The following ERMAP variants were observed in gnomAD, a reference collection of about 807,000 sequenced individuals.
ERMAP encodes the protein erythroid membrane-associated protein.
A neutral mutation model predicts 49.5 loss-of-function variants in ERMAP; 34 were observed. The ratio of observed to expected loss-of-function variants is 0.69; its 90% CI spans 0.52 to 0.91. ERMAP has a LOEUF of 0.91. Among genes scored for constraint, ERMAP ranks in the 40% least tolerant of loss-of-function variants. The pLI, the probability that ERMAP is intolerant of heterozygous loss-of-function variation, is 0.00. For synonymous variants in ERMAP, 214 were observed against 232.2 expected (o/e 0.92, Z 0.71); for missense variants, 541 against 582.6 (o/e 0.93, Z 0.74).
Position 42,843,150 on chromosome 1 carries a change from C to T in ERMAP, c.1346C>T (p.Ala449Val). Residue 449 changes from alanine (A) to valine (V), a missense_variant, in exon 12 of 12, where the codon GCC becomes GTC. Physicochemically the swap from Ala to Val is moderately conservative, Grantham distance 64. Transcript: ENST00000372517. ...AACTCTTCTTTACTACCCCCGAAGG[C>T]CCCAGAGCTGAAGGATATAATCCTG... ...KVNSSLLPPK[A>V]PELKDIILSL... is the part of the protein sequence containing the mutation. 2 of 1,614,136 alleles carry T rather than the reference C, an allele frequency of 1.2e-6. No homozygotes were observed. The highest frequency in any genetic ancestry group is 1.7e-6 in the Non-Finnish European group (2 of 1,180,018).
chr1:42,840,105 C>G, intron 9 of ERMAP, 47 bp from the exon 10 acceptor site: 1 of 1,614,152 alleles, frequency 6.2e-7, no homozygotes, highest in Non-Finnish European at 8.5e-7. Flanking sequence ...TCCTGTTGCC[C>G]TAATATTTGC....
rs145913478 is a variant in ERMAP at position 42,830,631 on chromosome 1, C to G, written c.85+98C>G. The stretch of plus-strand genomic sequence containing the variant: ...TGGAAACATTATGTCTTTTGGGGTT[C>G]TGTTCCCCCGGCCCTGGCAATCCTT... On this transcript the variant is annotated intron_variant, in intron 3 of 11. Transcript: ENST00000372517. 770 of 1,486,070 alleles carry G rather than the reference C, an allele frequency of 5.2e-4. 18 individuals are homozygous for G. In the East Asian group the frequency reaches 0.017, roughly 33 times the overall value. The allele number at this position is 1,486,070 out of a possible 1,614,324, so 92.1% of individuals were successfully genotyped here.
chr1:42,836,712 G>A lies in ERMAP; in HGVS notation c.584-446G>A, dbSNP rs866373243. Among the ~76,000 whole-genome samples the A allele has an allele frequency of 8.0e-4, 122 of 151,984 alleles. No homozygotes were observed. The Middle Eastern group carries it at 0.01, about 13-fold the overall frequency. On this transcript the variant is annotated intron_variant, in intron 6 of 11. Transcript: ENST00000372517. ...CTCTACTAAAAATACAAAAATTAGT[G>A]GAGCATGGTGGTGCGTGCCTGTAAT...
Position 42,830,588 on chromosome 1 carries a change from A to C in ERMAP, c.85+55A>C. The C allele has an allele frequency of 2.5e-6, 4 of 1,573,750 alleles. No individual in the cohort carries two copies. In the South Asian group the frequency reaches 3.3e-5, roughly 13 times the overall value. On this transcript the variant is annotated intron_variant, in intron 3 of 11. Coordinates refer to ENST00000372517, the MANE Select transcript of ERMAP (RefSeq NM_001017922.2). ...TGGTACATGTGATATTGGCGTCCCC[A>C]GAATAAGGAAGCTTGGCTGGAAACA...
Position 42,835,080 on chromosome 1 carries a change from C to A in ERMAP, c.476C>A (p.Ala159Asp). The change falls in exon 5 of 12, where the codon GCT (alanine) becomes GAT (aspartate). Residue 159 changes from alanine (A) to aspartate (D), a missense_variant. Ala to Asp is a moderately radical substitution (Grantham distance 126). Transcript: ENST00000372517. ...GSLSPSAVAL[A>D]VILPVLVLLI... ...CTCTCCCCCTCAGCAGTGGCTCTGG[C>A]TGTGATCCTGCCTGTCCTGGTACTT... 2 of 1,582,952 alleles carry A rather than the reference C, an allele frequency of 1.3e-6. No individual in the cohort carries two copies. Among genetic ancestry groups the A allele is most frequent in the Non-Finnish European group, 1.7e-6 (2 of 1,151,392 alleles).
At chr1:42,842,222 C>A (rs963625627) in intron 11 of ERMAP, among the ~76,000 whole-genome samples, 2 of 152,176 alleles carry the variant, frequency 1.3e-5, no homozygotes, top group African/African-American at 4.8e-5. Context: ...AACACGTGAA[C>A]TTTTGAGGGA....
At chr1:42,825,594 T>C in intron 1 of ERMAP, 29 bp from the exon 2 acceptor site, 1 of 1,275,726 alleles carries the variant, frequency 7.8e-7, no homozygotes, top group African/African-American at 1.5e-5. Flanking sequence ...TTTCATAAAA[T>C]ATGAACTTTT....
chr1:42,840,117 G>A (rs1354633424), intron 9 of ERMAP, 35 bp from the exon 10 acceptor site: 1 of 1,614,186 alleles, frequency 6.2e-7, no homozygotes, highest in Admixed American at 1.7e-5. Context: ...AATATTTGCA[G>A]TGATAGCTCA....
intron 7 of ERMAP, among the ~76,000 whole-genome samples, chr1:42,837,454 T>C (rs1220697276): frequency 6.6e-6 from 1 of 152,146 alleles, no homozygotes; most frequent in Non-Finnish European, 1.5e-5. Flanking sequence ...CCGCCAACCA[T>C]TTTAAAAAGA....
At chr1:42,838,948 C>T (rs754832984) in intron 8 of ERMAP, 27 bp downstream of exon 8, 1 of 1,614,170 alleles carries the variant, frequency 6.2e-7, no homozygotes, top group Non-Finnish European at 8.5e-7. Flanking sequence ...ATCCATGGCA[C>T]AAGCTCCTTC....
At position 42,835,756 on chromosome 1, in the gene ERMAP, C is replaced by T. The variant is rs113445278; in HGVS notation, c.575C>T (p.Thr192Met). 1.8e-4 allele frequency: 294 copies of T among 1,609,890 alleles called. No individual in the cohort carries two copies. The African/African-American group carries it at 3.2e-3, about 17-fold the overall frequency. The change falls in exon 6 of 12, where the codon ACG (threonine) becomes ATG (methionine). Residue 192 changes from threonine to methionine, a missense_variant. By Grantham distance (81) the Thr-to-Met change is moderately conservative. Transcript: ENST00000372517. ...GAAAAGCTTCTCTATGAACATGTGA[C>T]GGAGGTGGGTAAGTGTTCTTGGCTG... Reference protein sequence around the residue: ...AKEKLLYEHVTEVDNLLSDHA... With the variant: ...AKEKLLYEHVMEVDNLLSDHA...
In ERMAP at chr1:42,843,976, G is replaced by C; in HGVS notation, c.*744G>C. Reference sequence around the variant, plus strand: ...AAACACAGTTGCAGAGAACTCAGCTGTATGTTGCCCTCTGACCTTGGCCCA... The same window carrying C: ...AAACACAGTTGCAGAGAACTCAGCTCTATGTTGCCCTCTGACCTTGGCCCA... On this transcript the variant is annotated 3_prime_UTR_variant, in exon 12 of 12. Coordinates refer to ENST00000372517, the MANE Select transcript of ERMAP (RefSeq NM_001017922.2). The C allele has an allele frequency of 2.5e-6, 1 of 397,540 alleles. No homozygotes were observed. Among genetic ancestry groups the C allele is most frequent in the Non-Finnish European group, 4.4e-6 (1 of 225,542 alleles). 24.6% of individuals were successfully genotyped at this position (397,540 alleles called of 1,614,324 possible).
At chr1:42,833,970 T>TA (rs1654822077) in intron 4 of ERMAP, among the ~76,000 whole-genome samples, 1 of 152,222 alleles carries the variant, frequency 6.6e-6, no homozygotes, top group African/African-American at 2.4e-5. Flanking sequence ...CATGTGCCTG[T>TA]AATCCCGGCT....
rs768312154 is a variant in ERMAP at position 42,842,671 on chromosome 1, G to C, written c.867G>C (p.Thr289=). ...GCATCCTAGGCTCTGAGTACTTCACGACTGGCTGCCACTACTGGGAGGTGT... is the reference window on the plus strand; with the variant it reads ...GCATCCTAGGCTCTGAGTACTTCACCACTGGCTGCCACTACTGGGAGGTGT... ...VVSILGSEYF[T]TGCHYWEVYV... is the part of the protein sequence containing the mutation. Residue 289 remains threonine, a synonymous_variant, in exon 12 of 12, where the codon ACG becomes ACC. Coordinates refer to ENST00000372517, the MANE Select transcript of ERMAP (RefSeq NM_001017922.2). 6 of 1,614,044 alleles carry C rather than the reference G, an allele frequency of 3.7e-6. No homozygotes were observed. In the African/African-American group the frequency reaches 8.0e-5, roughly 22 times the overall value.
At position 42,831,030 on chromosome 1, in the gene ERMAP, G is replaced by T; in HGVS notation, c.348G>T (p.Val116=). 1 of 1,614,230 alleles carries T rather than the reference G, an allele frequency of 6.2e-7. No individual in the cohort carries two copies. Among genetic ancestry groups the T allele is most frequent in the Non-Finnish European group, 8.5e-7 (1 of 1,180,042 alleles). The change falls in exon 4 of 12, where the codon GTG becomes GTT. Residue 116 remains valine, a synonymous_variant. Transcript: ENST00000372517. ...EGSVTLQILD[V]RLEDQGSYRC... is the part of the protein sequence containing the mutation. ...GTGTCACTCTGCAGATCCTTGACGTGCGCCTTGAGGACCAAGGGTCTTACC... is the reference window on the plus strand; with the variant it reads ...GTGTCACTCTGCAGATCCTTGACGTTCGCCTTGAGGACCAAGGGTCTTACC...
intron 1 of ERMAP, among the ~76,000 whole-genome samples, chr1:42,820,993 A>C (rs1654392370): frequency 6.6e-6 from 1 of 152,224 alleles, no homozygotes; most frequent in Admixed American, 6.5e-5. Context: ...TTCTCAGTTG[A>C]GAATCAGCTT....
rs894120397 is a variant in ERMAP, at chr1:42,817,182, G to C, written c.-193G>C. 1.7e-5 allele frequency: 21 copies of C among 1,247,864 alleles called. No individual in the cohort carries two copies. In the Admixed American group the frequency reaches 5.5e-4, roughly 32 times the overall value. 77.3% of individuals were successfully genotyped at this position (1,247,864 alleles called of 1,614,324 possible). A position where few individuals can be genotyped will look rare whatever the true frequency, so the allele number is the denominator to read the frequency against. On this transcript the variant is annotated 5_prime_UTR_variant, in exon 1 of 12. Coordinates refer to ENST00000372517, the MANE Select transcript of ERMAP (RefSeq NM_001017922.2). The stretch of plus-strand genomic sequence containing the variant: ...GAGCCGCCGACCAAGAGGCTTGGGA[G>C]TCTGTACCTTTCCCGACCGGGCCAC...
chr1:42,839,171 T>C, intron 8 of ERMAP: 1 of 587,784 alleles, frequency 1.7e-6, no homozygotes, highest in South Asian at 2.2e-5. Flanking sequence ...GCATCTCCCA[T>C]AGGTGAAGCC....
intron 4 of ERMAP, chr1:42,834,561 T>C (rs1482315886): frequency 3.4e-6 from 1 of 290,590 alleles, no homozygotes; most frequent in East Asian, 1.3e-4. Flanking sequence ...GTTTGTTTGT[T>C]TGTTTGTTTT....
Sources: allele counts gnomAD v4.1 joint callset (sites outside exome capture counted in the v4.1 genomes callset), GRCh38; gene constraint gnomAD v4.1.1; transcripts MANE v1.5; gene names NCBI Gene and HGNC (gene_info 2026-07-23, HGNC 2026-07-21).